UTRN: variants seen among roughly 807,000 people sequenced by gnomAD.
The protein encoded by UTRN is utrophin.
In UTRN, 283 loss-of-function variants were observed where a neutral mutation model predicts 463.9. The observed-to-expected ratio is 0.61, with a 90% CI of 0.55 to 0.67. UTRN has a LOEUF of 0.67. UTRN is among the 30% of genes least tolerant of loss of function. The pLI, the probability that UTRN is intolerant of heterozygous loss-of-function variation, is 0.00. For synonymous variants in UTRN, 1,442 were observed against 1,431.5 expected (o/e 1.01, Z -0.17); for missense variants, 3,922 against 4,084.3 (o/e 0.96, Z 1.08).
At chr6:144,477,680 A>G (rs1791376210) in intron 25 of UTRN, among the ~76,000 whole-genome samples, 1 of 152,160 alleles carries the variant, frequency 6.6e-6, no homozygotes, top group Admixed American at 6.5e-5. Flanking sequence ...CAAAACCACA[A>G]TACTATGATC....
At chr6:144,793,658 G>T (rs996568462) in intron 62 of UTRN, among the ~76,000 whole-genome samples, 176 bp from the exon 63 acceptor site, 3 of 152,172 alleles carry the variant, frequency 2.0e-5, no homozygotes, top group African/African-American at 7.2e-5. Context: ...CATATGTAAT[G>T]CAGAATATTA....
chr6:144,346,572 G>A (rs565037922), intron 2 of UTRN, among the ~76,000 whole-genome samples: 5 of 152,322 alleles, frequency 3.3e-5, no homozygotes, highest in African/African-American at 1.2e-4. Context: ...TGTAATCCCA[G>A]CACTTTGGGA....
intron 51 of UTRN, among the ~76,000 whole-genome samples, chr6:144,634,021 G>C (rs1776830456): frequency 6.6e-6 from 1 of 152,184 alleles, no homozygotes; most frequent in African/African-American, 2.4e-5. Flanking sequence ...AGCCCAACCT[G>C]GCAGTCAGAA....
At chr6:144,459,778 C>T (rs1269233092) in intron 21 of UTRN, among the ~76,000 whole-genome samples, 1 of 151,900 alleles carries the variant, frequency 6.6e-6, no homozygotes, top group African/African-American at 2.4e-5. Flanking sequence ...TTAGTAGAGC[C>T]AGGGTCTAGC....
At chr6:144,691,337 G>C (rs1316992432) in intron 52 of UTRN, among the ~76,000 whole-genome samples, 5 of 152,100 alleles carry the variant, frequency 3.3e-5, no homozygotes. Context: ...GGCTGCTCTC[G>C]AACTCCTGGC....
chr6:144,395,430 T>G (rs1284140728), intron 2 of UTRN, among the ~76,000 whole-genome samples: 1 of 151,624 alleles, frequency 6.6e-6, no homozygotes, highest in Non-Finnish European at 1.5e-5. Flanking sequence ...CAAAATATAT[T>G]TCTAGAGGAA....
At chr6:144,458,298 T>C (rs981477415) in intron 19 of UTRN, among the ~76,000 whole-genome samples, 5 of 152,246 alleles carry the variant, frequency 3.3e-5, no homozygotes, top group African/African-American at 1.2e-4. Flanking sequence ...TCGCCATTCA[T>C]TTTTTAATTT....
chr6:144,330,477 A>G (rs1265124365), intron 2 of UTRN, among the ~76,000 whole-genome samples: 2 of 152,226 alleles, frequency 1.3e-5, no homozygotes, highest in Non-Finnish European at 2.9e-5. Context: ...CTCTCTTGCA[A>G]GAGTTAGAAA....
chr6:144,577,027 T>C, intron 50 of UTRN, 72 bp from the exon 51 acceptor site: 1 of 1,472,180 alleles, frequency 6.8e-7, no homozygotes, highest in Non-Finnish European at 9.2e-7. Context: ...GTTTTTTATT[T>C]AGGGGATGCG....
At chr6:144,766,068 C>T (rs759143724) in intron 58 of UTRN, among the ~76,000 whole-genome samples, 2 of 151,960 alleles carry the variant, frequency 1.3e-5, no homozygotes, top group Non-Finnish European at 2.9e-5. Flanking sequence ...GCAGCTTTCT[C>T]ACCCACTACC....
intron 51 of UTRN, among the ~76,000 whole-genome samples, chr6:144,615,448 CT>C (rs892338965): frequency 6.6e-6 from 1 of 152,150 alleles, no homozygotes; most frequent in African/African-American, 2.4e-5. Context: ...GCCTATCTCA[CT>C]GCCTTTCCCT....
chr6:144,366,490 A>G (rs1584463159), intron 2 of UTRN, among the ~76,000 whole-genome samples: 1 of 152,320 alleles, frequency 6.6e-6, no homozygotes, highest in East Asian at 1.9e-4. Flanking sequence ...TAAATGTGAG[A>G]ACATGCGGTA....
chr6:144,766,210 C>T (rs80128015), intron 58 of UTRN, among the ~76,000 whole-genome samples: 5,457 of 152,136 alleles, frequency 0.036, 285 homozygotes, highest in African/African-American at 0.11. Flanking sequence ...TTCCTATATT[C>T]TAGTCTTGGG....
chr6:144,377,411 A>G (rs1283301055), intron 2 of UTRN, among the ~76,000 whole-genome samples: 4 of 152,204 alleles, frequency 2.6e-5, no homozygotes, highest in African/African-American at 9.6e-5. Flanking sequence ...ATCATATTCT[A>G]TCACCATGTA....
At chr6:144,438,990 G>A (rs1184671127) in intron 12 of UTRN, 95 bp downstream of exon 12, 3 of 1,334,668 alleles carry the variant, frequency 2.2e-6, no homozygotes, top group African/African-American at 2.9e-5. Flanking sequence ...TTAACATGAA[G>A]TTGGGACACT....
chr6:144,582,565 TATGGCAA>T (rs1282298016), intron 51 of UTRN, among the ~76,000 whole-genome samples: 1 of 152,196 alleles, frequency 6.6e-6, no homozygotes, highest in Admixed American at 6.5e-5. Context: ...AAAACAGCTT[TATGGCAA>T]ATACAATGAG....
intron 52 of UTRN, among the ~76,000 whole-genome samples, chr6:144,690,072 C>CTTTTTTTTTTT (rs1428641511): frequency 8.4e-5 from 3 of 35,660 alleles, no homozygotes; most frequent in African/African-American, 3.7e-4. Context: ...CCAAAAGTTT[C>CTTTTTTTTTTT]TGTTTTTTTT....
At chr6:144,343,231 A>G (rs186582170) in intron 2 of UTRN, among the ~76,000 whole-genome samples, 47 of 152,276 alleles carry the variant, frequency 3.1e-4, no homozygotes, top group Non-Finnish European at 6.3e-4. Context: ...TGAGAGAAGG[A>G]CTAGAAAGTA....
At chr6:144,363,883 T>C (rs1449012817) in intron 2 of UTRN, among the ~76,000 whole-genome samples, 5 of 152,202 alleles carry the variant, frequency 3.3e-5, no homozygotes, top group Non-Finnish European at 7.3e-5. Flanking sequence ...AATACCATGC[T>C]AGGTAGGCAT....
Sources: gnomAD v4.1 joint callset for allele counts (sites outside exome capture counted in the v4.1 genomes callset) on GRCh38, gnomAD v4.1.1 for gene constraint, MANE v1.5 for transcripts, NCBI Gene and HGNC (gene_info 2026-07-23, HGNC 2026-07-21) for gene names.